PDIK1L: variants seen among roughly 807,000 people sequenced by gnomAD.
The protein encoded by PDIK1L is PDLIM1 interacting kinase 1 like.
In PDIK1L, 9 loss-of-function variants were observed where a neutral mutation model predicts 27.1. That is an observed-to-expected ratio of 0.33 (90% CI 0.20 to 0.58). PDIK1L has a LOEUF of 0.58. Among genes scored for constraint, PDIK1L ranks in the 20% least tolerant of loss-of-function variants. PDIK1L has a pLI of 0.86. For synonymous variants in PDIK1L, 130 were observed against 141.7 expected, an observed-to-expected ratio of 0.92 and a Z score of 0.59; for missense variants, 216 against 413.2, an observed-to-expected ratio of 0.52 and a Z score of 4.14.
At chr1:26,117,569 C>A (rs1036698802) in intron 2 of PDIK1L, among the ~76,000 whole-genome samples, 1 of 151,950 alleles carries the variant, frequency 6.6e-6, no homozygotes, top group Non-Finnish European at 1.5e-5. Context: ...GCCTCGGCAA[C>A]ACGGTGAAAC....
Position 26,114,463 on chromosome 1 carries a change from G to A in PDIK1L, c.155G>A (p.Arg52His). 1 of 1,614,124 alleles carries A rather than the reference G, an allele frequency of 6.2e-7. No individual in the cohort carries two copies. Among genetic ancestry groups the A allele is most frequent in the Non-Finnish European group, 8.5e-7 (1 of 1,180,000 alleles). ...HAPENVELAL[R>H]EFWALSSIKS... is the part of the protein sequence containing the mutation. ...CCTGAAAATGTTGAACTAGCCCTTC[G>A]TGAGTTCTGGGCACTAAGCAGTATC... The change falls in exon 2 of 3, where the codon CGT becomes CAT. Residue 52 changes from arginine to histidine, a missense_variant. Physicochemically the swap from Arg to His is conservative, Grantham distance 29. Transcript: ENST00000374269. The surrounding 1 kb of genome is among the most constrained non-coding windows in gnomAD (Gnocchi z 4.8).
intron 2 of PDIK1L, among the ~76,000 whole-genome samples, chr1:26,117,924 G>A (rs902382244): frequency 6.6e-6 from 1 of 151,968 alleles, no homozygotes; most frequent in African/African-American, 2.4e-5. Flanking sequence ...GCTGGGTGTG[G>A]TGGCACACAC....
intron 1 of PDIK1L, chr1:26,112,594 G>A (rs951631837): frequency 2.1e-4 from 32 of 152,406 alleles, no homozygotes; most frequent in African/African-American, 6.3e-4. Context: ...TGCAGCCGGC[G>A]CAGAGGATTC....
At chr1:26,117,197 A>G (rs2087894283) in intron 2 of PDIK1L, among the ~76,000 whole-genome samples, 1 of 151,118 alleles carries the variant, frequency 6.6e-6, no homozygotes, top group African/African-American at 2.4e-5. Flanking sequence ...ATGCCTGGCT[A>G]ATTTTTGTAT....
chr1:26,115,318 G>A (rs950772765), intron 2 of PDIK1L, among the ~76,000 whole-genome samples: 1 of 152,236 alleles, frequency 6.6e-6, no homozygotes, highest in Non-Finnish European at 1.5e-5. Flanking sequence ...AGCTGAGAAT[G>A]ACAGCTGAAG....
In PDIK1L at chr1:26,124,285, T is replaced by A. The variant is rs2088040290; in HGVS notation, c.*1708T>A. On this transcript the variant is annotated 3_prime_UTR_variant, in exon 3 of 3. Coordinates refer to ENST00000374269, the MANE Select transcript of PDIK1L (RefSeq NM_152835.5). ...TAAAAGGTTTTATTGAAATAAAGCC[T>A]CTTAAAATGAAAAATCATATACTTT... is the stretch of plus-strand genomic sequence containing the variant. The A allele has an allele frequency of 6.6e-6, 1 of 152,226 alleles. No individual in the cohort carries two copies. The highest frequency in any genetic ancestry group is 2.4e-5 in the African/African-American group (1 of 41,462). 9.4% of individuals were successfully genotyped at this position (152,226 alleles called of 1,614,324 possible). A position where few individuals can be genotyped will look rare whatever the true frequency, so the allele number is the denominator to read the frequency against.
Position 26,123,664 on chromosome 1 carries a change from C to G in PDIK1L, c.*1087C>G, listed in dbSNP as rs1405673439. On this transcript the variant is annotated 3_prime_UTR_variant, in exon 3 of 3. Transcript: ENST00000374269. ...CATTTTGGCACTGATGCTGTTTTCTCTTGTCTGATTTGAAACAGTACTGGT... is the reference window on the plus strand; with the variant it reads ...CATTTTGGCACTGATGCTGTTTTCTGTTGTCTGATTTGAAACAGTACTGGT... The G allele has an allele frequency of 6.6e-6, 1 of 152,530 alleles. No individual in the cohort carries two copies. The highest frequency in any genetic ancestry group is 1.5e-5 in the Non-Finnish European group (1 of 68,028). 9.4% of individuals were successfully genotyped at this position (152,530 alleles called of 1,614,324 possible). A position where few individuals can be genotyped will look rare whatever the true frequency, so the allele number is the denominator to read the frequency against.
intron 2 of PDIK1L, among the ~76,000 whole-genome samples, chr1:26,120,294 C>A (rs2087957363): frequency 6.6e-6 from 1 of 152,174 alleles, no homozygotes; most frequent in African/African-American, 2.4e-5. Flanking sequence ...TTGCTCAAAG[C>A]TATTTAGGAA....
At chr1:26,112,176 C>T (rs1367877070) in intron 1 of PDIK1L, among the ~76,000 whole-genome samples, 2 of 152,226 alleles carry the variant, frequency 1.3e-5, no homozygotes, top group African/African-American at 4.8e-5. Context: ...CAGGAGGCTC[C>T]CCTCCGGGCT....
intron 1 of PDIK1L, among the ~76,000 whole-genome samples, chr1:26,112,842 A>C (rs1369882265): frequency 6.6e-6 from 1 of 152,262 alleles, no homozygotes; most frequent in Non-Finnish European, 1.5e-5. Flanking sequence ...CCGTGGTCAC[A>C]ATCTACAAAT....
At chr1:26,121,811 G>A (rs368167569) in intron 2 of PDIK1L, 26 bp from the exon 3 acceptor site, 10 of 1,578,078 alleles carry the variant, frequency 6.3e-6, no homozygotes, top group Admixed American at 1.9e-5. Context: ...GCAAATGATT[G>A]TAATCTTTTT....
At chr1:26,112,149 C>T (rs1201468911) in intron 1 of PDIK1L, among the ~76,000 whole-genome samples, 1 of 152,210 alleles carries the variant, frequency 6.6e-6, no homozygotes, top group African/African-American at 2.4e-5. Context: ...GGGCTGGCTC[C>T]TCAGAGCGAA....
Position 26,114,277 on chromosome 1 carries a change from T to G in PDIK1L, c.-17-15T>G. The G allele has an allele frequency of 3.1e-6, 5 of 1,592,118 alleles. No individual in the cohort carries two copies. The highest frequency in any genetic ancestry group is 4.3e-6 in the Non-Finnish European group (5 of 1,165,858). ...TATACATAATTTCAACAGAGCACTT[T>G]GTTGATTTTTCCAGAAACCTCGACC... On this transcript the variant is annotated splice_polypyrimidine_tract_variant and intron_variant, in intron 1 of 2. Transcript: ENST00000374269. This position sits in a 1 kb window ranked among gnomAD's most constrained non-coding sequence, Gnocchi z 4.8.
chr1:26,122,644 G>A lies in PDIK1L; in HGVS notation c.*67G>A, dbSNP rs2088008080. On this transcript the variant is annotated 3_prime_UTR_variant, in exon 3 of 3. Transcript: ENST00000374269. This position sits in a 1 kb window ranked among gnomAD's most constrained non-coding sequence, Gnocchi z 5.4. ...GTTTAACAGTGATGCAACATTATGT[G>A]GCTGAAAAAGAATATAAAAAGCTAG... The A allele has an allele frequency of 6.7e-7, 1 of 1,494,902 alleles. No homozygotes were observed. Among genetic ancestry groups the A allele is most frequent in the African/African-American group, 1.4e-5 (1 of 71,336 alleles). 92.6% of individuals were successfully genotyped at this position (1,494,902 alleles called of 1,614,324 possible). A position where few individuals can be genotyped will look rare whatever the true frequency, so the allele number is the denominator to read the frequency against.
intron 2 of PDIK1L, among the ~76,000 whole-genome samples, chr1:26,120,046 A>G (rs765068714): frequency 6.6e-6 from 1 of 152,242 alleles, no homozygotes; most frequent in Non-Finnish European, 1.5e-5. Flanking sequence ...AACATCCTCT[A>G]CATGTTAAAA....
At chr1:26,119,629 G>A (rs373538513) in intron 2 of PDIK1L, among the ~76,000 whole-genome samples, 85 of 152,256 alleles carry the variant, frequency 5.6e-4, no homozygotes, top group African/African-American at 1.8e-3. Context: ...TTGGGAGGCC[G>A]AGAGGCGGAT....
intron 2 of PDIK1L, among the ~76,000 whole-genome samples, chr1:26,117,762 A>G (rs1213111998): frequency 1.3e-5 from 2 of 151,814 alleles, no homozygotes; most frequent in Non-Finnish European, 2.9e-5. Flanking sequence ...AACAAAAACA[A>G]AAAGTGGATA....
chr1:26,114,087 A>C lies in PDIK1L; in HGVS notation c.-17-205A>C, dbSNP rs914508837. ...ATTAACTGAATTTAATATTCTAAAG[A>C]GCTTAAAACAGTTCCTGATACATGG... On this transcript the variant is annotated intron_variant, in intron 1 of 2. Transcript: ENST00000374269. The surrounding 1 kb of genome is among the most constrained non-coding windows in gnomAD (Gnocchi z 4.8). Among the ~76,000 whole-genome samples, 2 of 152,194 alleles carry C rather than the reference A, an allele frequency of 1.3e-5. No individual in the cohort carries two copies. Among genetic ancestry groups the C allele is most frequent in the Admixed American group, 1.3e-4 (2 of 15,280 alleles).
At chr1:26,117,278 T>C (rs1447685078) in intron 2 of PDIK1L, among the ~76,000 whole-genome samples, 1 of 150,146 alleles carries the variant, frequency 6.7e-6, no homozygotes, top group Non-Finnish European at 1.5e-5. Context: ...GTGATCCATC[T>C]GCTGCAGCCT....
Sources: allele counts gnomAD v4.1 joint callset (sites outside exome capture counted in the v4.1 genomes callset), GRCh38; gene constraint gnomAD v4.1.1; non-coding constraint Gnocchi (gnomAD v3.1); transcripts MANE v1.5; gene names NCBI Gene and HGNC (gene_info 2026-07-23, HGNC 2026-07-21).